The following POLR3B variants were observed in gnomAD, a reference collection of about 807,000 sequenced individuals.
POLR3B encodes the protein DNA-directed RNA polymerase III subunit RPC2.
In POLR3B, 96 loss-of-function variants were observed where a neutral mutation model predicts 147.4. That is an observed-to-expected ratio of 0.65 (90% confidence interval 0.55 to 0.77). POLR3B has a LOEUF of 0.77. POLR3B is among the 30% of genes least tolerant of loss of function. POLR3B has a pLI of 0.00. For missense variants in POLR3B, 1,036 were observed against 1,413.5 expected, an observed-to-expected ratio of 0.73 and a Z score of 4.28; for synonymous variants, 461 against 485.9, an observed-to-expected ratio of 0.95 and a Z score of 0.67.
At chr12:106,401,776 A>C (rs2037071478) in intron 10 of POLR3B, among the ~76,000 whole-genome samples, 1 of 152,212 alleles carries the variant, frequency 6.6e-6, no homozygotes, top group Non-Finnish European at 1.5e-5. Context: ...TCATGCTAAA[A>C]ACTCTCAATA....
At chr12:106,415,283 G>C (rs1196136584) in intron 12 of POLR3B, among the ~76,000 whole-genome samples, 3 of 152,190 alleles carry the variant, frequency 2.0e-5, no homozygotes, top group African/African-American at 7.2e-5. Context: ...AAGCAGTGAG[G>C]TCACTACAGT....
chr12:106,400,424 A>G (rs577726760), intron 10 of POLR3B, among the ~76,000 whole-genome samples: 14 of 152,340 alleles, frequency 9.2e-5, no homozygotes, highest in Non-Finnish European at 1.9e-4. Flanking sequence ...AGACAGATCA[A>G]CGAGACTGAA....
chr12:106,465,709 A>G (rs1322899776), intron 23 of POLR3B, among the ~76,000 whole-genome samples: 1 of 152,074 alleles, frequency 6.6e-6, no homozygotes, highest in African/African-American at 2.4e-5. Context: ...GAGAACATGC[A>G]GTGTTTGGTT....
At chr12:106,370,231 G>T (rs1012511156) in intron 6 of POLR3B, among the ~76,000 whole-genome samples, 1 of 152,196 alleles carries the variant, frequency 6.6e-6, no homozygotes, top group Non-Finnish European at 1.5e-5. Context: ...CATAATTTCT[G>T]TTCAAGTGTT....
chr12:106,481,722 C>G (rs968515303), intron 23 of POLR3B, among the ~76,000 whole-genome samples: 27 of 152,316 alleles, frequency 1.8e-4, no homozygotes, highest in African/African-American at 6.5e-4. Flanking sequence ...TTTAGAGAAG[C>G]AGTGTTGATA....
chr12:106,432,331 T>C lies in POLR3B; in HGVS notation c.1478T>C (p.Val493Ala), dbSNP rs764283322. 6.2e-7 allele frequency: 1 copy of C among 1,613,774 alleles called. No individual in the cohort carries two copies. The highest frequency in any genetic ancestry group is 8.5e-7 in the Non-Finnish European group (1 of 1,179,708). ...TTTGTTTTTTAGGCATGTGGTTTGG[T>C]TAAAAACTTGGCCCTTATGACACAC... ...DTPEGEACGL[V>A]KNLALMTHIT... The change falls in exon 15 of 28, where the codon GTT (valine) becomes GCT (alanine). Residue 493 changes from valine to alanine, a missense_variant. By Grantham distance (64) the Val-to-Ala change is moderately conservative. Transcript: ENST00000228347.
In POLR3B at chr12:106,496,053, A is replaced by G. The variant is rs1000713427; in HGVS notation, c.2714-2A>G. On this transcript the variant is annotated splice_acceptor_variant, in intron 23 of 27. Coordinates refer to ENST00000228347, the MANE Select transcript of POLR3B (RefSeq NM_018082.6). LOFTEE classifies it high-confidence loss of function. ...TGTGGCATGAAATCTTCTCTCCCCC[A>G]GGTGTTTGTGGCTTGATCGTCCCCC... 12 of 1,579,700 alleles carry G rather than the reference A, an allele frequency of 7.6e-6. No homozygotes were observed. The highest frequency in any genetic ancestry group is 2.2e-5 in the East Asian group (1 of 44,736).
At chr12:106,426,556 C>T (rs2037438876) in intron 12 of POLR3B, among the ~76,000 whole-genome samples, 1 of 151,890 alleles carries the variant, frequency 6.6e-6, no homozygotes, top group Non-Finnish European at 1.5e-5. Context: ...ACCTCGTGAT[C>T]AACCCACCTT....
intron 17 of POLR3B, 85 bp downstream of exon 17, chr12:106,437,216 T>A (rs2037589450): frequency 2.0e-6 from 2 of 1,011,246 alleles, no homozygotes; most frequent in Admixed American, 3.9e-5. Context: ...TTTAGTGTTT[T>A]AATTTCTTTC....
At chr12:106,462,245 C>T (rs989532723) in intron 22 of POLR3B, among the ~76,000 whole-genome samples, 2 of 152,122 alleles carry the variant, frequency 1.3e-5, no homozygotes, top group Non-Finnish European at 2.9e-5. Flanking sequence ...TGCATCACTG[C>T]TAGGGTGATT....
intron 23 of POLR3B, among the ~76,000 whole-genome samples, chr12:106,470,020 T>C (rs1043799915): frequency 5.9e-5 from 9 of 152,262 alleles, no homozygotes; most frequent in Non-Finnish European, 1.0e-4. Context: ...GGGGAAGTTC[T>C]CCTGGATAAT....
Position 106,378,496 on chromosome 12 carries a change from G to A in POLR3B, c.614+112G>A, listed in dbSNP as rs2136899809. The A allele has an allele frequency of 2.5e-5, 17 of 687,804 alleles. 1 individual carries two copies. The South Asian group carries it at 2.6e-4, about 10-fold the overall frequency. 42.6% of individuals were successfully genotyped at this position (687,804 alleles called of 1,614,324 possible). A position where few individuals can be genotyped will look rare whatever the true frequency, so the allele number is the denominator to read the frequency against. On this transcript the variant is annotated intron_variant, in intron 8 of 27. Coordinates refer to ENST00000228347, the MANE Select transcript of POLR3B (RefSeq NM_018082.6). ...TTATTACCCTCTAAAAGCAGGCATT[G>A]TAATATTTAAGCTATCTGCATTCAA...
chr12:106,507,370 T>G (rs1001599461), intron 27 of POLR3B, among the ~76,000 whole-genome samples: 2 of 152,130 alleles, frequency 1.3e-5, no homozygotes, highest in Non-Finnish European at 2.9e-5. Context: ...ATAGAGAAGA[T>G]TAAAGGGCTT....
intron 23 of POLR3B, among the ~76,000 whole-genome samples, chr12:106,486,113 C>T (rs1230168467): frequency 6.6e-6 from 1 of 151,748 alleles, no homozygotes; most frequent in Admixed American, 6.6e-5. Flanking sequence ...CATGGTGAAA[C>T]CCCATCTCTA....
intron 27 of POLR3B, among the ~76,000 whole-genome samples, chr12:106,507,264 T>C (rs2038702774): frequency 1.3e-5 from 2 of 152,338 alleles, no homozygotes; most frequent in South Asian, 4.1e-4. Flanking sequence ...ACGTCAAGTT[T>C]CTACCTTTGC....
chr12:106,505,889 A>G (rs1422299758), intron 27 of POLR3B, among the ~76,000 whole-genome samples: 1 of 152,240 alleles, frequency 6.6e-6, no homozygotes, highest in Non-Finnish European at 1.5e-5. Context: ...CACAAGTTGA[A>G]CAAGTGGGCT....
chr12:106,468,557 C>T (rs1380790825), intron 23 of POLR3B, among the ~76,000 whole-genome samples: 3 of 152,144 alleles, frequency 2.0e-5, no homozygotes, highest in South Asian at 4.1e-4. Context: ...TTAGATCTCT[C>T]CTGCTTTCTC....
At chr12:106,389,181 C>T (rs1299756050) in intron 9 of POLR3B, among the ~76,000 whole-genome samples, 5 of 152,172 alleles carry the variant, frequency 3.3e-5, no homozygotes, top group African/African-American at 7.2e-5. Flanking sequence ...TTATTTGTAG[C>T]TGTGACTACT....
intron 19 of POLR3B, among the ~76,000 whole-genome samples, chr12:106,447,436 G>A (rs1312760001): frequency 1.3e-5 from 2 of 152,232 alleles, no homozygotes. Flanking sequence ...AATAAAGTTC[G>A]AGTTTCCACA....
Sources: allele counts gnomAD v4.1 joint callset (sites outside exome capture counted in the v4.1 genomes callset), GRCh38; gene constraint gnomAD v4.1.1; transcripts MANE v1.5; gene names NCBI Gene and HGNC (gene_info 2026-07-23, HGNC 2026-07-21).